Variants in LINGO2 observed in about 807,000 individuals in gnomAD.
LINGO2 encodes leucine-rich repeat and immunoglobulin-like domain-containing nogo receptor-interacting protein 2.
LINGO2 carries 14 observed loss-of-function variants against 30.6 expected under a neutral mutation model. The ratio of observed to expected loss-of-function variants is 0.46; its 90% CI spans 0.30 to 0.72. The LOEUF is 0.72. Among genes scored for constraint, LINGO2 ranks in the 30% least tolerant of loss-of-function variants. LINGO2 has a pLI of 0.07. For synonymous variants in LINGO2, 317 were observed against 288.5 expected (o/e 1.10, Z -1.00); for missense variants, 729 against 751.7 (o/e 0.97, Z 0.35).
At chr9:28,292,175 G>A (rs73645634) in intron 4 of LINGO2, among the ~76,000 whole-genome samples, 2,034 of 152,280 alleles carry the variant, frequency 0.013, 37 homozygotes, top group African/African-American at 0.047. Context: ...CAAAGGGACA[G>A]CAGAGTGTGA....
At chr9:28,229,078 G>T (rs1821268446) in intron 4 of LINGO2, among the ~76,000 whole-genome samples, 2 of 151,816 alleles carry the variant, frequency 1.3e-5, no homozygotes, top group East Asian at 1.9e-4. Flanking sequence ...ATGGAACAAA[G>T]GTCATTCTCT....
the LINGO2 span, among the ~76,000 whole-genome samples, chr9:28,877,378 G>A: frequency 6.8e-6 from 1 of 147,474 alleles, no homozygotes; most frequent in South Asian, 2.1e-4. Context: ...GGTTTTTATG[G>A]TTTTAGGTCT....
At chr9:28,355,303 C>G (rs1032964725) in intron 3 of LINGO2, among the ~76,000 whole-genome samples, 118 of 20,932 alleles carry the variant, frequency 5.6e-3, no homozygotes, top group East Asian at 0.011. Context: ...CTCTATGTCT[C>G]TCTCTCTCTC....
chr9:29,087,302 G>C, the LINGO2 span, among the ~76,000 whole-genome samples: 1 of 152,182 alleles, frequency 6.6e-6, no homozygotes, highest in Non-Finnish European at 1.5e-5. Flanking sequence ...TGCTTATCTT[G>C]AAGGGTTAAA....
chr9:28,100,774 A>G (rs567195368), intron 4 of LINGO2, among the ~76,000 whole-genome samples: 21 of 152,130 alleles, frequency 1.4e-4, no homozygotes, highest in Non-Finnish European at 2.4e-4. Flanking sequence ...AGTTGATTCA[A>G]CTTCTATCCC....
intron 1 of LINGO2, among the ~76,000 whole-genome samples, chr9:28,603,107 C>A (rs190942380): frequency 1.2e-3 from 176 of 152,118 alleles, no homozygotes; most frequent in Admixed American, 6.3e-3. Flanking sequence ...TCTGCTTTTA[C>A]AAGTATGTGT....
intron 1 of LINGO2, among the ~76,000 whole-genome samples, chr9:28,597,190 G>A (rs1825226180): frequency 6.6e-6 from 1 of 152,102 alleles, no homozygotes; most frequent in Non-Finnish European, 1.5e-5. Context: ...TAATTTCTAA[G>A]CATGGGGTAA....
chr9:28,051,219 A>AG (rs1251362694), intron 4 of LINGO2, among the ~76,000 whole-genome samples: 2 of 140,958 alleles, frequency 1.4e-5, no homozygotes, highest in African/African-American at 5.5e-5. Flanking sequence ...CAGCTAGTAT[A>AG]GTTTTCTCCA....
intron 4 of LINGO2, among the ~76,000 whole-genome samples, chr9:28,175,286 T>A (rs1236008898): frequency 2.0e-5 from 3 of 152,020 alleles, no homozygotes; most frequent in Non-Finnish European, 1.5e-5. Context: ...CAAATGCAGG[T>A]GATCTTCAAG....
chr9:27,947,042 C>T (rs1487124760), downstream of LINGO2, among the ~76,000 whole-genome samples: 1 of 152,084 alleles, frequency 6.6e-6, no homozygotes. Flanking sequence ...AAGAAGCAAA[C>T]CCCAGAGACT....
At chr9:29,013,588 G>T in the LINGO2 span, among the ~76,000 whole-genome samples, 1 of 151,990 alleles carries the variant, frequency 6.6e-6, no homozygotes, top group African/African-American at 2.4e-5. Context: ...ATACTATGAG[G>T]ATTCTGCTTG....
the LINGO2 span, among the ~76,000 whole-genome samples, chr9:28,699,465 G>A: frequency 6.6e-6 from 1 of 151,946 alleles, no homozygotes; most frequent in Non-Finnish European, 1.5e-5. Context: ...CGTCATCTCA[G>A]GATCACTGTG....
chr9:29,118,057 C>T, the LINGO2 span, among the ~76,000 whole-genome samples: 1 of 151,986 alleles, frequency 6.6e-6, no homozygotes, highest in Non-Finnish European at 1.5e-5. Context: ...AAATTGTTGA[C>T]CAAGATCTCC....
intron 4 of LINGO2, among the ~76,000 whole-genome samples, chr9:28,092,831 T>C (rs1460232786): frequency 1.3e-5 from 2 of 152,138 alleles, no homozygotes. Context: ...CCTTAAATAA[T>C]AGTGAACATT....
intron 4 of LINGO2, among the ~76,000 whole-genome samples, chr9:28,032,432 G>C (rs1280143343): frequency 6.6e-6 from 1 of 152,160 alleles, no homozygotes; most frequent in Non-Finnish European, 1.5e-5. Flanking sequence ...CATTACATAT[G>C]ATTCACATAA....
chr9:29,102,437 A>G, the LINGO2 span, among the ~76,000 whole-genome samples: 16 of 152,200 alleles, frequency 1.1e-4, no homozygotes, highest in African/African-American at 3.9e-4. Context: ...CTCTCTCTAG[A>G]AACAGAATAA....
chr9:29,083,665 G>T, the LINGO2 span, among the ~76,000 whole-genome samples: 1 of 151,872 alleles, frequency 6.6e-6, no homozygotes, highest in Non-Finnish European at 1.5e-5. Flanking sequence ...TAGCTGGGAT[G>T]GAAATGCAGC....
chr9:28,972,152 C>A, the LINGO2 span, among the ~76,000 whole-genome samples: 1 of 152,216 alleles, frequency 6.6e-6, no homozygotes, highest in Non-Finnish European at 1.5e-5. Flanking sequence ...TTATGAATAT[C>A]TGAAAAGCTT....
chr9:29,045,282 T>C, the LINGO2 span, among the ~76,000 whole-genome samples: 1 of 152,036 alleles, frequency 6.6e-6, no homozygotes, highest in African/African-American at 2.4e-5. Context: ...CAGACCGCAA[T>C]TGGCCACAGG....
Sources: allele counts gnomAD v4.1 joint callset (sites outside exome capture counted in the v4.1 genomes callset), GRCh38; gene constraint gnomAD v4.1.1; transcripts MANE v1.5; gene names NCBI Gene and HGNC (gene_info 2026-07-23, HGNC 2026-07-21).